Variants in NAALADL2 observed in about 807,000 individuals in gnomAD.
NAALADL2 encodes the protein N-acetylated alpha-linked acidic dipeptidase like 2, also known as inactive N-acetylated-alpha-linked acidic dipeptidase-like protein 2.
NAALADL2 carries 76 observed loss-of-function variants against 87.2 expected under a neutral mutation model. The observed-to-expected ratio is 0.87, with a 90% CI of 0.72 to 1.05. NAALADL2 has a LOEUF of 1.05. NAALADL2 is among the 50% of genes least tolerant of loss of function. The pLI, the probability that NAALADL2 is intolerant of heterozygous loss-of-function variation, is 0.00. For missense variants in NAALADL2, 1,089 were observed against 945.8 expected (o/e 1.15, Z -1.99); for synonymous variants, 354 against 331.0 (o/e 1.07, Z -0.75).
At chr3:175,137,969 C>T (rs1021142539) in intron 2 of NAALADL2, among the ~76,000 whole-genome samples, 26 of 152,128 alleles carry the variant, frequency 1.7e-4, no homozygotes, top group African/African-American at 6.0e-4. Context: ...TAATGTCAAA[C>T]ACCATCTTCC....
At chr3:174,548,089 A>G (rs1711602831) in intron 1 of NAALADL2, among the ~76,000 whole-genome samples, 1 of 152,200 alleles carries the variant, frequency 6.6e-6, no homozygotes, top group Non-Finnish European at 1.5e-5. Context: ...CTAGACATCT[A>G]ATTTTAGAGT....
intron 1 of NAALADL2, among the ~76,000 whole-genome samples, chr3:175,049,779 C>G (rs1755134402): frequency 6.6e-6 from 1 of 152,140 alleles, no homozygotes; most frequent in Non-Finnish European, 1.5e-5. Context: ...AAAAATCAAG[C>G]ATTAAGCTCT....
rs559530625 is a variant in NAALADL2, at chr3:174,907,216, A to C, written c.43+47766A>C. Reference sequence around the variant, plus strand: ...ATACTAGCACTGGAATGTATCTTAAATATTCTGGAGATCAGCCCTTTTGTT... The same window carrying C: ...ATACTAGCACTGGAATGTATCTTAACTATTCTGGAGATCAGCCCTTTTGTT... On this transcript the variant is annotated intron_variant, in intron 1 of 13. Transcript: ENST00000454872. 4.0e-5 allele frequency among the ~76,000 whole-genome samples: 6 copies of C among 151,164 alleles called. No individual in the cohort carries two copies. The East Asian group carries it at 7.7e-4, about 19-fold the overall frequency.
intron 2 of NAALADL2, among the ~76,000 whole-genome samples, chr3:175,112,955 G>A (rs890911933): frequency 6.6e-6 from 1 of 151,622 alleles, no homozygotes; most frequent in African/African-American, 2.4e-5. Flanking sequence ...ATGACTTCAG[G>A]AAAGGTTGAA....
intron 3 of NAALADL2, among the ~76,000 whole-genome samples, chr3:174,776,951 G>T (rs187590043): frequency 6.6e-6 from 1 of 152,178 alleles, no homozygotes; most frequent in African/African-American, 2.4e-5. Context: ...TTCTTTTGGG[G>T]TAAAATCAAT....
intron 2 of NAALADL2, among the ~76,000 whole-genome samples, chr3:174,581,705 A>G (rs1227574689): frequency 6.6e-6 from 1 of 152,186 alleles, no homozygotes; most frequent in African/African-American, 2.4e-5. Flanking sequence ...GGCATATGAT[A>G]GGATTATACT....
chr3:174,469,241 GCA>G (rs1716742333), intron 1 of NAALADL2, among the ~76,000 whole-genome samples: 1 of 151,586 alleles, frequency 6.6e-6, no homozygotes, highest in African/African-American at 2.4e-5. Flanking sequence ...GTATGTAGAA[GCA>G]AACACCAGTC....
At chr3:175,512,746 A>T (rs572676000) in intron 9 of NAALADL2, among the ~76,000 whole-genome samples, 23 of 152,304 alleles carry the variant, frequency 1.5e-4, no homozygotes, top group Non-Finnish European at 2.6e-4. Context: ...ATCTGCTGTC[A>T]CTTCTCTGAA....
In NAALADL2 at chr3:175,649,250, GA is replaced by G. The variant is rs929957693; in HGVS notation, c.1896+21871del. Among the ~76,000 whole-genome samples, 11 of 151,798 alleles carry G rather than the reference GA, an allele frequency of 7.2e-5. No homozygotes were observed. The South Asian group carries it at 1.0e-3, about 14-fold the overall frequency. On this transcript the variant is annotated intron_variant, in intron 11 of 13. Transcript: ENST00000454872. ...TTCTTTATCATACAGTTTTGTGAGA[GA>G]AAAAAAGATAAAGAAAACATAAAAT...
chr3:175,587,425 A>G (rs756039650), intron 10 of NAALADL2, among the ~76,000 whole-genome samples: 2 of 152,210 alleles, frequency 1.3e-5, no homozygotes, highest in Admixed American at 6.5e-5. Context: ...TTGATATTTT[A>G]TATTTGCTCA....
chr3:174,934,468 T>A (rs1416440235), intron 1 of NAALADL2, among the ~76,000 whole-genome samples: 1 of 152,178 alleles, frequency 6.6e-6, no homozygotes, highest in Non-Finnish European at 1.5e-5. Context: ...TTAGATATTA[T>A]TTTTTGTTTC....
intron 5 of NAALADL2, among the ~76,000 whole-genome samples, chr3:175,372,576 G>T (rs906752490): frequency 1.2e-4 from 18 of 152,136 alleles, no homozygotes; most frequent in African/African-American, 4.1e-4. Flanking sequence ...AAGAAGAAAG[G>T]CACATGCCCA....
chr3:175,424,848 A>C (rs1716506795), intron 5 of NAALADL2, among the ~76,000 whole-genome samples: 2 of 152,294 alleles, frequency 1.3e-5, no homozygotes, highest in East Asian at 1.9e-4. Flanking sequence ...GTGGCATATA[A>C]TAACACCATA....
In NAALADL2 at chr3:175,624,595, A is replaced by G. The variant is rs1560870575; in HGVS notation, c.1801-2696A>G. Among the ~76,000 whole-genome samples the G allele has an allele frequency of 2.0e-5, 3 of 151,978 alleles. No homozygotes were observed. In the East Asian group the frequency reaches 5.8e-4, roughly 29 times the overall value. On this transcript the variant is annotated intron_variant, in intron 10 of 13. Coordinates refer to ENST00000454872, the MANE Select transcript of NAALADL2 (RefSeq NM_207015.3). Reference sequence around the variant, plus strand: ...TTCCAACCTCCTGATCTGACTAAAAAGTGTGATGTAACAAAAAATTACGTA... The same window carrying G: ...TTCCAACCTCCTGATCTGACTAAAAGGTGTGATGTAACAAAAAATTACGTA...
At chr3:175,326,453 A>C (rs1188555981) in intron 5 of NAALADL2, among the ~76,000 whole-genome samples, 1 of 152,150 alleles carries the variant, frequency 6.6e-6, no homozygotes, top group Non-Finnish European at 1.5e-5. Flanking sequence ...CTGTTCCTTT[A>C]AGTTCTTCCA....
chr3:174,596,514 C>T (rs1477987117), intron 2 of NAALADL2, among the ~76,000 whole-genome samples: 1 of 152,008 alleles, frequency 6.6e-6, no homozygotes, highest in East Asian at 1.9e-4. Context: ...TTACTGAGCC[C>T]AGATTTTCTG....
intron 4 of NAALADL2, among the ~76,000 whole-genome samples, chr3:175,323,580 G>A (rs1760233646): frequency 6.6e-6 from 1 of 151,528 alleles, no homozygotes; most frequent in Non-Finnish European, 1.5e-5. Flanking sequence ...AAATCAGAGA[G>A]TGAGGAATTC....
Position 175,341,436 on chromosome 3 carries a change from G to A in NAALADL2, c.1090+17111G>A, listed in dbSNP as rs1230777420. The stretch of plus-strand genomic sequence containing the variant: ...ACATTTGGTCTTTTTTCACTTTTTG[G>A]CTGTTACAAATAATCTTATTACAAA... On this transcript the variant is annotated intron_variant, in intron 5 of 13. Coordinates refer to ENST00000454872, the MANE Select transcript of NAALADL2 (RefSeq NM_207015.3). Among the ~76,000 whole-genome samples, 7 of 151,872 alleles carry A rather than the reference G, an allele frequency of 4.6e-5. 1 individual carries two copies.
chr3:175,501,424 G>GACAC lies in NAALADL2; in HGVS notation c.1653+29682_1653+29685dup, dbSNP rs61284771. Among the ~76,000 whole-genome samples the GACAC allele has an allele frequency of 2.7e-3, 398 of 148,930 alleles. 1 individual carries two copies. The highest frequency in any genetic ancestry group is 2.7e-3 in the Non-Finnish European group (181 of 67,314). The stretch of plus-strand genomic sequence containing the variant: ...GGGAACATCTTTTCCATACGTTTTA[G>GACAC]ACACACACACACACACACAAAGGCA... On this transcript the variant is annotated intron_variant, in intron 9 of 13. Coordinates refer to ENST00000454872, the MANE Select transcript of NAALADL2 (RefSeq NM_207015.3).
Sources: gnomAD v4.1 joint callset for allele counts (sites outside exome capture counted in the v4.1 genomes callset) on GRCh38, gnomAD v4.1.1 for gene constraint, MANE v1.5 for transcripts, NCBI Gene and HGNC (gene_info 2026-07-23, HGNC 2026-07-21) for gene names.